DNAAF5: variants seen among roughly 807,000 people sequenced by gnomAD.
DNAAF5 encodes HEAT repeat containing 2.
A neutral mutation model predicts 75.8 loss-of-function variants in DNAAF5; 64 were observed. That is an observed-to-expected ratio of 0.84 (90% CI 0.69 to 1.04). DNAAF5 has a LOEUF of 1.04. Ranked by LOEUF, DNAAF5 falls within the 50% of genes least tolerant of loss-of-function variation. The pLI is 0.00. For synonymous variants in DNAAF5, 657 were observed against 557.2 expected, an observed-to-expected ratio of 1.18 and a Z score of -2.52; for missense variants, 1,269 against 1,178.5, an observed-to-expected ratio of 1.08 and a Z score of -1.12.
intron 4 of DNAAF5, among the ~76,000 whole-genome samples, chr7:749,964 G>A (rs927758075): frequency 3.3e-5 from 5 of 152,188 alleles, no homozygotes; most frequent in Admixed American, 6.5e-5. Flanking sequence ...CTCCCAAAGT[G>A]CTAGGATTAC....
chr7:778,905 C>A (rs1364859949), intron 11 of DNAAF5, among the ~76,000 whole-genome samples: 1 of 152,270 alleles, frequency 6.6e-6, no homozygotes, highest in Non-Finnish European at 1.5e-5. Context: ...GGGCACCTGC[C>A]GTGCAGGGCT....
chr7:771,025 T>A, intron 9 of DNAAF5: 1 of 161,152 alleles, frequency 6.2e-6, no homozygotes, highest in Non-Finnish European at 1.4e-5. Context: ...CGTGTGGTCA[T>A]TAAAATTCCA....
At chr7:760,398 A>T (rs1283524659) in intron 6 of DNAAF5, among the ~76,000 whole-genome samples, 3 of 152,214 alleles carry the variant, frequency 2.0e-5, no homozygotes, top group African/African-American at 7.2e-5. Context: ...TACACTGTTG[A>T]TAAATCACGT....
intron 6 of DNAAF5, among the ~76,000 whole-genome samples, chr7:758,512 G>A (rs546387038): frequency 6.6e-6 from 1 of 152,354 alleles, no homozygotes; most frequent in South Asian, 2.1e-4. Flanking sequence ...CTGCGAACGT[G>A]TGTCGGCCCT....
At chr7:753,314 A>G (rs1218052638) in intron 4 of DNAAF5, among the ~76,000 whole-genome samples, 1 of 152,196 alleles carries the variant, frequency 6.6e-6, no homozygotes, top group Non-Finnish European at 1.5e-5. Context: ...AGGAGCGGGC[A>G]CAGGCGGGCC....
intron 11 of DNAAF5, among the ~76,000 whole-genome samples, chr7:777,445 C>T (rs1033764774): frequency 1.3e-5 from 2 of 151,966 alleles, no homozygotes; most frequent in African/African-American, 4.8e-5. Context: ...AGTTGAGAAA[C>T]AAGAAGACAA....
At chr7:776,792 G>A (rs1778775371) in intron 11 of DNAAF5, among the ~76,000 whole-genome samples, 1 of 152,206 alleles carries the variant, frequency 6.6e-6, no homozygotes, top group African/African-American at 2.4e-5. Flanking sequence ...CGCCACCCAG[G>A]CCATGGGCCA....
At chr7:775,227 G>A (rs566548977) in intron 11 of DNAAF5, 65 bp downstream of exon 11, 43 of 1,491,424 alleles carry the variant, frequency 2.9e-5, no homozygotes, top group African/African-American at 1.7e-4. Context: ...CCTGGGTTCC[G>A]TTTGCATCCA....
At chr7:753,949 C>A (rs968969216) in intron 4 of DNAAF5, among the ~76,000 whole-genome samples, 3 of 147,626 alleles carry the variant, frequency 2.0e-5, no homozygotes, top group Non-Finnish European at 4.5e-5. Flanking sequence ...GGGACGGCTT[C>A]GCAGGCGTGT....
intron 12 of DNAAF5, among the ~76,000 whole-genome samples, chr7:782,026 T>C (rs1341338295): frequency 6.6e-6 from 1 of 152,264 alleles, no homozygotes; most frequent in Non-Finnish European, 1.5e-5. Flanking sequence ...GCCTTTTGCC[T>C]CCTTTGGAAA....
At position 770,485 on chromosome 7, in the gene DNAAF5, G is replaced by A; in HGVS notation, c.1798G>A (p.Glu600Lys). The change falls in exon 9 of 13, where the codon GAA becomes AAA. Residue 600 changes from glutamate (E) to lysine (K), a missense_variant. Transcript: ENST00000297440. ...IVAQSGPALGEALPHVVPTLR... is the reference protein window; with the variant it reads ...IVAQSGPALGKALPHVVPTLR... ...GTGTCTTACAGGCCCTGCCCTGGGA[G>A]AAGCCCTGCCACACGTCGTGCCCAC... is the stretch of plus-strand genomic sequence containing the variant. 6.2e-7 allele frequency: 1 copy of A among 1,613,568 alleles called. No homozygotes were observed. Among genetic ancestry groups the A allele is most frequent in the Non-Finnish European group, 8.5e-7 (1 of 1,179,946 alleles).
intron 1 of DNAAF5, among the ~76,000 whole-genome samples, chr7:729,297 C>G (rs752182742): frequency 6.6e-6 from 1 of 152,190 alleles, no homozygotes; most frequent in Non-Finnish European, 1.5e-5. Context: ...CTTCTGGGCT[C>G]GGCTTCTTTC....
intron 2 of DNAAF5, among the ~76,000 whole-genome samples, chr7:731,969 A>G (rs981251410): frequency 2.0e-5 from 3 of 152,134 alleles, no homozygotes; most frequent in Non-Finnish European, 4.4e-5. Flanking sequence ...TCCTCTCTGC[A>G]CAGAAGGTCC....
At chr7:758,872 G>A (rs901220920) in intron 6 of DNAAF5, among the ~76,000 whole-genome samples, 5 of 151,970 alleles carry the variant, frequency 3.3e-5, no homozygotes, top group Non-Finnish European at 2.9e-5. Flanking sequence ...TAGTAGAGAC[G>A]GGGTTTCTCC....
rs932930098 is a variant in DNAAF5 at position 763,682 on chromosome 7, G to A, written c.1615-124G>A. 5.1e-5 allele frequency: 58 copies of A among 1,134,798 alleles called. No homozygotes were observed. The Admixed American group carries it at 5.7e-4, about 11-fold the overall frequency. 70.3% of individuals were successfully genotyped at this position (1,134,798 alleles called of 1,614,324 possible). ...GGCTCCCTGTGGCAGCCTCCCTCCC[G>A]ATTATCCTGGCAGGCCCGGCCTGTG... On this transcript the variant is annotated intron_variant, in intron 7 of 12. Transcript: ENST00000297440.
intron 4 of DNAAF5, among the ~76,000 whole-genome samples, chr7:742,194 A>C (rs1382394939): frequency 1.3e-5 from 2 of 152,194 alleles, no homozygotes; most frequent in East Asian, 1.9e-4. Context: ...CACGCGGTCA[A>C]GTGCTTTCAT....
intron 11 of DNAAF5, among the ~76,000 whole-genome samples, chr7:775,510 G>C (rs1034829948): frequency 1.1e-5 from 1 of 88,122 alleles, no homozygotes; most frequent in Admixed American, 1.2e-4. Flanking sequence ...TTAAAAGTAG[G>C]GGTGTGTGTG....
chr7:775,206 C>T (rs377568789), intron 11 of DNAAF5, 44 bp downstream of exon 11: 11 of 1,574,480 alleles, frequency 7.0e-6, no homozygotes, highest in African/African-American at 1.3e-5. Context: ...ATGCAGTCAG[C>T]CCTCCGTGTC....
intron 4 of DNAAF5, among the ~76,000 whole-genome samples, chr7:746,427 A>G (rs148966039): frequency 0.38 from 3,185 of 8,360 alleles, 1,096 homozygotes; most frequent in Middle Eastern, 0.5. Context: ...CCCCCCACCC[A>G]ACATGCCCAG....
Sources: allele counts gnomAD v4.1 joint callset (sites outside exome capture counted in the v4.1 genomes callset), GRCh38; gene constraint gnomAD v4.1.1; transcripts MANE v1.5; gene names NCBI Gene and HGNC (gene_info 2026-07-23, HGNC 2026-07-21).